The following CFAP263 variants were observed in gnomAD, a reference collection of about 807,000 sequenced individuals.
CFAP263 encodes cilia- and flagella-associated protein 263.
At chr16:58,272,172 C>G in the CFAP263 span, among the ~76,000 whole-genome samples, 3 of 151,946 alleles carry the variant, frequency 2.0e-5, no homozygotes, top group Non-Finnish European at 2.9e-5. Flanking sequence ...CCCGCCACCA[C>G]GCCCGGCTAA....
At chr16:58,260,954 G>T in the CFAP263 span, among the ~76,000 whole-genome samples, 3 of 152,190 alleles carry the variant, frequency 2.0e-5, no homozygotes, top group African/African-American at 7.2e-5. Context: ...AGCTCAGGTG[G>T]TGGTGATGCT....
the CFAP263 span, chr16:58,262,648 C>A: frequency 1.0e-6 from 1 of 987,066 alleles, no homozygotes; most frequent in Non-Finnish European, 1.4e-6. Flanking sequence ...TTTGGGTGCC[C>A]CCTCGCTGTC....
the CFAP263 span, among the ~76,000 whole-genome samples, chr16:58,272,083 C>T: frequency 1.0e-4 from 15 of 150,524 alleles, no homozygotes; most frequent in Non-Finnish European, 1.3e-4. Context: ...GGCGTGATCT[C>T]GGCTCACTGC....
the CFAP263 span, among the ~76,000 whole-genome samples, chr16:58,257,853 G>T: frequency 6.6e-6 from 1 of 151,898 alleles, no homozygotes; most frequent in Non-Finnish European, 1.5e-5. Context: ...CATGCCTGTA[G>T]TCCCAGCACT....
chr16:58,264,015 C>T, the CFAP263 span, among the ~76,000 whole-genome samples: 84,332 of 151,994 alleles, frequency 0.55, 23,840 homozygotes, highest in African/African-American at 0.63. Flanking sequence ...GTCCAGTATG[C>T]ATCCCACCTA....
the CFAP263 span, chr16:58,280,766 A>G: frequency 6.3e-7 from 1 of 1,592,490 alleles, no homozygotes; most frequent in Non-Finnish European, 8.6e-7. Context: ...CCCTGTGATA[A>G]AAGACAGAAG....
the CFAP263 span, chr16:58,279,755 C>T: frequency 6.2e-7 from 1 of 1,613,120 alleles, no homozygotes; most frequent in South Asian, 1.1e-5. Context: ...CAGTTGCAGG[C>T]AGATTACCTT....
At chr16:58,251,603 G>A in the CFAP263 span, among the ~76,000 whole-genome samples, 1 of 152,098 alleles carries the variant, frequency 6.6e-6, no homozygotes, top group Non-Finnish European at 1.5e-5. Flanking sequence ...TGTTGATCAG[G>A]CTGGTCTCGA....
the CFAP263 span, among the ~76,000 whole-genome samples, chr16:58,265,334 A>G: frequency 2.8e-4 from 42 of 152,232 alleles, no homozygotes; most frequent in African/African-American, 9.6e-4. Flanking sequence ...CTTTGAAAGA[A>G]CAGAGTTTCT....
chr16:58,256,040 T>C, the CFAP263 span, among the ~76,000 whole-genome samples: 4 of 152,254 alleles, frequency 2.6e-5, no homozygotes, highest in Non-Finnish European at 5.9e-5. Context: ...AGCCATGTTG[T>C]ATGAAAAGTA....
the CFAP263 span, among the ~76,000 whole-genome samples, chr16:58,257,308 C>T: frequency 8.9e-6 from 1 of 112,208 alleles, no homozygotes; most frequent in East Asian, 4.3e-4. Flanking sequence ...TGAGCCACCG[C>T]GCCCAGCCTG....
chr16:58,275,698 T>C, the CFAP263 span, among the ~76,000 whole-genome samples: 2 of 152,196 alleles, frequency 1.3e-5, no homozygotes, highest in Non-Finnish European at 2.9e-5. Context: ...TATTGATACC[T>C]TTATGATAAA....
the CFAP263 span, among the ~76,000 whole-genome samples, chr16:58,275,358 A>G: frequency 6.6e-6 from 1 of 152,188 alleles, no homozygotes; most frequent in Non-Finnish European, 1.5e-5. Flanking sequence ...GGAAGATTCA[A>G]CATAATAAAA....
At chr16:58,267,126 C>T in the CFAP263 span, among the ~76,000 whole-genome samples, 1 of 152,210 alleles carries the variant, frequency 6.6e-6, no homozygotes, top group Non-Finnish European at 1.5e-5. Flanking sequence ...GTTCAGCACT[C>T]TACCAGGCTG....
the CFAP263 span, among the ~76,000 whole-genome samples, chr16:58,271,087 C>T: frequency 6.6e-6 from 1 of 151,894 alleles, no homozygotes; most frequent in African/African-American, 2.4e-5. Context: ...TTTATAATTA[C>T]CTATTATACA....
chr16:58,281,653 G>A, the CFAP263 span: 6 of 152,166 alleles, frequency 3.9e-5, no homozygotes, highest in East Asian at 1.2e-3. Flanking sequence ...TCTGACCTGT[G>A]TGGCCTGCCT....
the CFAP263 span, chr16:58,262,243 C>A: frequency 2.7e-6 from 2 of 744,302 alleles, no homozygotes; most frequent in Non-Finnish European, 4.5e-6. Context: ...TGCCTGGGAC[C>A]AAACAGATGC....
At chr16:58,258,570 G>A in the CFAP263 span, 1 of 1,571,130 alleles carries the variant, frequency 6.4e-7, no homozygotes, top group Non-Finnish European at 8.7e-7. Flanking sequence ...ATTCTTACAG[G>A]GATGTTATGG....
chr16:58,271,028 A>C, the CFAP263 span, among the ~76,000 whole-genome samples: 1 of 152,160 alleles, frequency 6.6e-6, no homozygotes, highest in Admixed American at 6.5e-5. Flanking sequence ...ATTTTTATAC[A>C]TTTGATTTTT....
Sources: gnomAD v4.1 joint callset for allele counts (sites outside exome capture counted in the v4.1 genomes callset) on GRCh38, gnomAD v4.1.1 for gene constraint, MANE v1.5 for transcripts, NCBI Gene and HGNC (gene_info 2026-07-23, HGNC 2026-07-21) for gene names.